RBM47: variants seen among roughly 807,000 people sequenced by gnomAD.
RBM47 encodes RNA binding motif protein 47.
In RBM47, 21 loss-of-function variants were observed where a neutral mutation model predicts 47.1. The observed-to-expected ratio is 0.45, with a 90% confidence interval of 0.32 to 0.64. RBM47 has a LOEUF of 0.64. Among genes scored for constraint, RBM47 ranks in the 30% least tolerant of loss-of-function variants. The pLI, the probability that RBM47 is intolerant of heterozygous loss-of-function variation, is 0.05. For synonymous variants in RBM47, 375 were observed against 361.7 expected (o/e 1.04, Z -0.42); for missense variants, 708 against 870.9 (o/e 0.81, Z 2.35).
chr4:40,532,056 G>T (rs1727443611), intron 2 of RBM47, among the ~76,000 whole-genome samples: 1 of 149,224 alleles, frequency 6.7e-6, no homozygotes, highest in South Asian at 2.1e-4. Context: ...TGTCACCCAG[G>T]CTGGAGTGCA....
At chr4:40,588,342 T>C (rs963543562) in intron 1 of RBM47, among the ~76,000 whole-genome samples, 2 of 152,110 alleles carry the variant, frequency 1.3e-5, no homozygotes, top group African/African-American at 4.8e-5. Context: ...CAGTTTCCCT[T>C]TCAGGATTCA....
At chr4:40,587,832 G>T (rs769801472) in intron 1 of RBM47, among the ~76,000 whole-genome samples, 3 of 152,210 alleles carry the variant, frequency 2.0e-5, no homozygotes, top group Non-Finnish European at 2.9e-5. Flanking sequence ...CTGGTATTTT[G>T]ACTGTTTTCA....
chr4:40,620,239 G>A (rs996262206), intron 1 of RBM47, among the ~76,000 whole-genome samples: 1 of 147,526 alleles, frequency 6.8e-6, no homozygotes, highest in Non-Finnish European at 1.5e-5. Context: ...CGGGCACAGT[G>A]GCTCACACCT....
chr4:40,491,839 CA>C, intron 2 of RBM47: 1 of 210,090 alleles, frequency 4.8e-6, no homozygotes, highest in Non-Finnish European at 9.7e-6. Flanking sequence ...CAACCTGTGG[CA>C]AATGTGGCTA....
At chr4:40,510,660 G>C (rs1724803222) in intron 2 of RBM47, among the ~76,000 whole-genome samples, 1 of 152,186 alleles carries the variant, frequency 6.6e-6, no homozygotes, top group Admixed American at 6.5e-5. Flanking sequence ...GAATGAATGA[G>C]TCCATGTGTG....
In RBM47 at chr4:40,451,231, C is replaced by T. The variant is rs557236667; in HGVS notation, c.-31-12307G>A. ...AGTCAAGGCTATCAAGACTGAGAAA[C>T]GTGCAACATTTTTCAAGGGTTTGAG... On this transcript the variant is annotated intron_variant, in intron 3 of 6. Transcript: ENST00000295971. Among the ~76,000 whole-genome samples, 3 of 139,712 alleles carry T rather than the reference C, an allele frequency of 2.1e-5. No individual in the cohort carries two copies. The Admixed American group carries it at 2.2e-4, about 10-fold the overall frequency. 91.7% of individuals were successfully genotyped at this position (139,712 alleles called of 152,430 possible).
intron 1 of RBM47, among the ~76,000 whole-genome samples, chr4:40,600,550 C>T (rs1236861321): frequency 1.3e-5 from 2 of 151,064 alleles, no homozygotes; most frequent in Non-Finnish European, 2.9e-5. Flanking sequence ...AGGAGAATGG[C>T]GTGAACCCGG....
chr4:40,528,119 A>T (rs1165300968), intron 2 of RBM47, among the ~76,000 whole-genome samples: 1 of 152,260 alleles, frequency 6.6e-6, no homozygotes, highest in East Asian at 1.9e-4. Context: ...TACTGCCCAT[A>T]GAAATGTTTT....
chr4:40,573,397 T>A (rs1186619875), intron 1 of RBM47, among the ~76,000 whole-genome samples: 1 of 151,734 alleles, frequency 6.6e-6, no homozygotes, highest in Non-Finnish European at 1.5e-5. Context: ...AAAGTAAATA[T>A]TATAAAGAGA....
intron 2 of RBM47, among the ~76,000 whole-genome samples, chr4:40,523,122 T>A (rs1250328425): frequency 1.5e-4 from 23 of 151,874 alleles, no homozygotes; most frequent in Non-Finnish European, 2.9e-5. Context: ...TGCGCCACTA[T>A]GCCTGGCTAA....
intron 1 of RBM47, among the ~76,000 whole-genome samples, chr4:40,560,923 C>T (rs369671950): frequency 2.0e-5 from 3 of 151,892 alleles, no homozygotes; most frequent in South Asian, 4.2e-4. Context: ...CGAGAACGCG[C>T]CACTGCACTT....
At chr4:40,437,090 A>AT (rs1553877705) in intron 4 of RBM47, among the ~76,000 whole-genome samples, 1,441 of 49,792 alleles carry the variant, frequency 0.029, 283 homozygotes, top group East Asian at 0.18. Flanking sequence ...AAAAAAAAAA[A>AT]ATATATATAT....
At chr4:40,599,493 T>A (rs933779014) in intron 1 of RBM47, among the ~76,000 whole-genome samples, 15 of 152,148 alleles carry the variant, frequency 9.9e-5, no homozygotes, top group South Asian at 2.1e-4. Flanking sequence ...TGAACCTGAG[T>A]GGGCTCTGTG....
At chr4:40,429,912 T>A (rs1440578070) in intron 6 of RBM47, among the ~76,000 whole-genome samples, 1 of 151,718 alleles carries the variant, frequency 6.6e-6, no homozygotes, top group Non-Finnish European at 1.5e-5. Context: ...ACCCTGATGG[T>A]GGCCGGGCGC....
chr4:40,542,329 G>A (rs1284921749), intron 2 of RBM47, among the ~76,000 whole-genome samples: 3 of 151,324 alleles, frequency 2.0e-5, no homozygotes, highest in Non-Finnish European at 4.4e-5. Context: ...GCTATTCCTT[G>A]ACCCCAACAC....
At chr4:40,477,428 G>A (rs1719777760) in intron 2 of RBM47, among the ~76,000 whole-genome samples, 1 of 152,190 alleles carries the variant, frequency 6.6e-6, no homozygotes, top group African/African-American at 2.4e-5. Context: ...CTCTGAAGCA[G>A]TCAGTTACTA....
intron 1 of RBM47, among the ~76,000 whole-genome samples, chr4:40,627,415 C>T (rs1344113127): frequency 6.6e-6 from 1 of 152,130 alleles, no homozygotes; most frequent in East Asian, 1.9e-4. Context: ...GAAAATCTCC[C>T]TCCCTTCACG....
intron 2 of RBM47, among the ~76,000 whole-genome samples, chr4:40,468,204 T>G (rs181008967): frequency 6.6e-6 from 1 of 152,224 alleles, no homozygotes; most frequent in African/African-American, 2.4e-5. Flanking sequence ...GGAGAATCAC[T>G]TGAACCTGGG....
intron 2 of RBM47, among the ~76,000 whole-genome samples, chr4:40,539,739 C>CAAAAAAAAAAAAAAAAAAA (rs56005602): frequency 5.3e-5 from 3 of 56,292 alleles, no homozygotes; most frequent in African/African-American, 2.1e-4. Context: ...GACTCTGTCT[C>CAAAAAAAAAAAAAAAAAAA]AAAAAAAAAA....
Sources: gnomAD v4.1 joint callset for allele counts (sites outside exome capture counted in the v4.1 genomes callset) on GRCh38, gnomAD v4.1.1 for gene constraint, MANE v1.5 for transcripts, NCBI Gene and HGNC (gene_info 2026-07-23, HGNC 2026-07-21) for gene names.